The following PALS1 variants were observed in gnomAD, a reference collection of about 807,000 sequenced individuals.
The protein encoded by PALS1 is protein PALS1.
In PALS1, 31 loss-of-function variants were observed where a neutral mutation model predicts 78.9. The observed-to-expected ratio is 0.39, with a 90% CI of 0.30 to 0.53. PALS1 has a LOEUF of 0.53. PALS1 is among the 20% of genes least tolerant of loss of function. The probability of loss-of-function intolerance (pLI) is 0.67; values close to 1 mark genes in which losing one functional copy is unlikely to be tolerated. For synonymous variants in PALS1, 276 were observed against 270.9 expected (o/e 1.02, Z -0.18); for missense variants, 704 against 826.5 (o/e 0.85, Z 1.82).
chr14:67,263,539 T>A (rs1303713815), intron 1 of PALS1, among the ~76,000 whole-genome samples: 1 of 152,184 alleles, frequency 6.6e-6, no homozygotes, highest in Non-Finnish European at 1.5e-5. Flanking sequence ...TCTTTAAAGA[T>A]TTTCCCTCTC....
chr14:67,309,196 A>G (rs1031630177), intron 8 of PALS1, among the ~76,000 whole-genome samples: 3 of 152,110 alleles, frequency 2.0e-5, no homozygotes, highest in African/African-American at 4.8e-5. Context: ...TATCTCCTTC[A>G]TTTTAAAGGG....
chr14:67,325,325 G>T (rs2085336053), intron 14 of PALS1, among the ~76,000 whole-genome samples: 2 of 152,078 alleles, frequency 1.3e-5, no homozygotes, highest in African/African-American at 2.4e-5. Flanking sequence ...GTGAGGTTAA[G>T]AAATGATATA....
chr14:67,320,135 C>T (rs1595614212), intron 11 of PALS1, 95 bp from the exon 12 acceptor site: 3 of 1,160,584 alleles, frequency 2.6e-6, no homozygotes, highest in South Asian at 1.9e-5. Context: ...ATAAATTGTG[C>T]TTTTGTCTAA....
chr14:67,328,152 C>CT (rs529739183), intron 14 of PALS1, among the ~76,000 whole-genome samples: 2 of 151,992 alleles, frequency 1.3e-5, no homozygotes, highest in Non-Finnish European at 2.9e-5. Flanking sequence ...CTGTTGTTTC[C>CT]GACTTTTTAA....
intron 3 of PALS1, among the ~76,000 whole-genome samples, chr14:67,285,571 G>GT (rs1298970444): frequency 1.3e-5 from 2 of 149,268 alleles, no homozygotes; most frequent in Non-Finnish European, 2.9e-5. Context: ...GGGTTTCACC[G>GT]TGTTAGCCAG....
intron 14 of PALS1, among the ~76,000 whole-genome samples, chr14:67,324,880 C>T (rs908111563): frequency 4.6e-5 from 7 of 150,840 alleles, no homozygotes; most frequent in Admixed American, 6.6e-5. Flanking sequence ...TAAGCTACCA[C>T]GCCCAGCCTT....
chr14:67,246,281 C>T (rs1073606), intron 1 of PALS1, among the ~76,000 whole-genome samples: 23,400 of 151,420 alleles, frequency 0.15, 3,397 homozygotes, highest in East Asian at 0.42. Context: ...GGCGTGCCAC[C>T]GCACTTGGCT....
At chr14:67,281,171 A>G (rs1485009729) in intron 3 of PALS1, among the ~76,000 whole-genome samples, 1 of 151,896 alleles carries the variant, frequency 6.6e-6, no homozygotes, top group Non-Finnish European at 1.5e-5. Context: ...TGCTGGGATT[A>G]CAGGTGTGAG....
At chr14:67,260,921 A>C (rs1261237701) in intron 1 of PALS1, among the ~76,000 whole-genome samples, 1 of 152,186 alleles carries the variant, frequency 6.6e-6, no homozygotes, top group Non-Finnish European at 1.5e-5. Context: ...GACTAAGTCA[A>C]GTGGAGCCAT....
intron 3 of PALS1, among the ~76,000 whole-genome samples, chr14:67,288,256 AT>A (rs1264956951): frequency 6.6e-6 from 1 of 151,858 alleles, no homozygotes; most frequent in Non-Finnish European, 1.5e-5. Flanking sequence ...ATTTTTTTGT[AT>A]TTTCAGTAGA....
intron 13 of PALS1, among the ~76,000 whole-genome samples, chr14:67,323,261 G>GTGTGTGTGTGTGTATA (rs1429954753): frequency 3.2e-5 from 4 of 124,140 alleles, no homozygotes; most frequent in African/African-American, 1.1e-4. Context: ...GTGTGTGTGT[G>GTGTGTGTGTGTGTATA]TATATATATA....
At chr14:67,258,280 A>G (rs1268821552) in intron 1 of PALS1, among the ~76,000 whole-genome samples, 2 of 152,092 alleles carry the variant, frequency 1.3e-5, no homozygotes, top group East Asian at 3.9e-4. Context: ...CACTCCTGTA[A>G]TTCTAGCACT....
At position 67,333,200 on chromosome 14, in the gene PALS1, C is replaced by T; in HGVS notation, c.*244C>T. The T allele has an allele frequency of 2.8e-6, 1 of 355,050 alleles. No homozygotes were observed. The highest frequency in any genetic ancestry group is 2.1e-5 in the African/African-American group (1 of 47,680). 22.0% of individuals were successfully genotyped at this position (355,050 alleles called of 1,614,324 possible). A position where few individuals can be genotyped will look rare whatever the true frequency, so the allele number is the denominator to read the frequency against. On this transcript the variant is annotated 3_prime_UTR_variant, in exon 15 of 15. Transcript: ENST00000261681. ...CTCATTTTGGGATTCTAAATGGAAG[C>T]TTTCAACAGAGCATTCCATTTTGTC...
At position 67,264,028 on chromosome 14, in the gene PALS1, A is replaced by G. The variant is rs549524744; in HGVS notation, c.-236-5673A>G. Among the ~76,000 whole-genome samples the G allele has an allele frequency of 4.6e-5, 7 of 152,236 alleles. No homozygotes were observed. In the East Asian group the frequency reaches 1.2e-3, roughly 25 times the overall value. On this transcript the variant is annotated intron_variant, in intron 1 of 14. Transcript: ENST00000261681. ...TCCTCCCACCTCAGGCTCCCATGCA[A>G]GCACCTGGGACTACAGGTGCATGCC...
chr14:67,294,438 C>T lies in PALS1; in HGVS notation c.576+1719C>T, dbSNP rs1419746996. 3 of 151,954 alleles carry T rather than the reference C, an allele frequency of 2.0e-5. No homozygotes were observed. The East Asian group carries it at 5.8e-4, about 29-fold the overall frequency. The allele number at this position is 151,954 out of a possible 1,614,324, so 9.4% of individuals were successfully genotyped here. On this transcript the variant is annotated intron_variant, in intron 4 of 14. Coordinates refer to ENST00000261681, the MANE Select transcript of PALS1 (RefSeq NM_022474.4). ...ATCAGCAATCACCAATCCAACTCCC[C>T]TGTTTCACATTCTGAATATTGAGGC...
intron 2 of PALS1, chr14:67,270,668 A>T (rs1268965563): frequency 1.3e-5 from 2 of 151,510 alleles, no homozygotes; most frequent in Non-Finnish European, 2.9e-5. Flanking sequence ...ATGTATATAG[A>T]CTACATGTAT....
chr14:67,306,513 TTGTGTGTGTGTG>T (rs35688419), intron 8 of PALS1, among the ~76,000 whole-genome samples: 1 of 147,430 alleles, frequency 6.8e-6, no homozygotes, highest in Non-Finnish European at 1.5e-5. Flanking sequence ...CTGGCTGAAT[TTGTGTGTGTGTG>T]TGTGTGTGTG....
intron 8 of PALS1, among the ~76,000 whole-genome samples, chr14:67,305,481 ATG>A (rs2084988610): frequency 6.6e-6 from 1 of 152,078 alleles, no homozygotes; most frequent in Admixed American, 6.6e-5. Context: ...GGCTTTCACT[ATG>A]TTGCCCAGGC....
intron 1 of PALS1, among the ~76,000 whole-genome samples, chr14:67,266,634 TCA>T (rs988678379): frequency 6.6e-6 from 1 of 152,134 alleles, no homozygotes; most frequent in Non-Finnish European, 1.5e-5. Flanking sequence ...CTGAAATATT[TCA>T]GTTTTTACTT....
Sources: allele counts gnomAD v4.1 joint callset (sites outside exome capture counted in the v4.1 genomes callset), GRCh38; gene constraint gnomAD v4.1.1; transcripts MANE v1.5; gene names NCBI Gene and HGNC (gene_info 2026-07-23, HGNC 2026-07-21).